MTAP: variants seen among roughly 807,000 people sequenced by gnomAD.
MTAP encodes methylthioadenosine phosphorylase.
MTAP carries 33 observed loss-of-function variants against 33.6 expected under a neutral mutation model. The observed-to-expected ratio is 0.98, with a 90% CI of 0.74 to 1.31. MTAP has a LOEUF of 1.31. Among genes scored for constraint, MTAP ranks in the 40% most tolerant of loss-of-function variants. MTAP has a pLI of 0.00. For missense variants in MTAP, 367 were observed against 360.0 expected (o/e 1.02, Z -0.16); for synonymous variants, 148 against 125.7 (o/e 1.18, Z -1.19).
At chr9:21,847,250 G>A (rs1025656262) in intron 5 of MTAP, among the ~76,000 whole-genome samples, 12 of 152,130 alleles carry the variant, frequency 7.9e-5, no homozygotes, top group African/African-American at 2.9e-4. Context: ...GTGATAATGT[G>A]AGTTAATACT....
intron 1 of MTAP, among the ~76,000 whole-genome samples, chr9:21,911,799 T>G (rs981622611): frequency 4.0e-5 from 6 of 151,624 alleles, no homozygotes; most frequent in Non-Finnish European, 5.9e-5. Context: ...CTGAAGGAGA[T>G]AGAGACACAA....
chr9:21,820,124 T>G (rs898583713), intron 4 of MTAP, among the ~76,000 whole-genome samples: 2 of 152,220 alleles, frequency 1.3e-5, no homozygotes, highest in Non-Finnish European at 2.9e-5. Flanking sequence ...TTTCTTTTGC[T>G]GTGCAGAAGC....
At position 21,921,672 on chromosome 9, in the gene MTAP, C is replaced by T. The variant is rs148804814; in HGVS notation, c.148-9336C>T. ...AGAGACTCAATAAATCAAAATATGC[C>T]TCTCTTAAAGACTTCTGGCCAGAAG... On this transcript the variant is annotated intron_variant, in intron 1 of 1. Transcript: ENST00000577563. Among the ~76,000 whole-genome samples the T allele has an allele frequency of 9.9e-3, 1,512 of 152,184 alleles. 21 individuals carry two copies. The highest frequency in any genetic ancestry group is 0.034 in the African/African-American group (1,411 of 41,504).
At chr9:21,851,265 T>C (rs1374384977) in intron 5 of MTAP, among the ~76,000 whole-genome samples, 1 of 152,224 alleles carries the variant, frequency 6.6e-6, no homozygotes. Context: ...AAGAAGGTAG[T>C]CATCGATACC....
intron 6 of MTAP, among the ~76,000 whole-genome samples, chr9:21,857,216 A>G (rs1043948580): frequency 2.0e-5 from 3 of 152,214 alleles, no homozygotes; most frequent in African/African-American, 7.2e-5. Flanking sequence ...CTATACAGAA[A>G]TAACCAGTCA....
intron 4 of MTAP, among the ~76,000 whole-genome samples, chr9:21,819,912 T>G (rs181451046): frequency 1.3e-5 from 2 of 152,376 alleles, no homozygotes; most frequent in Admixed American, 1.3e-4. Context: ...CATTTTTTCA[T>G]GTGTCTTTTG....
intron 1 of MTAP, among the ~76,000 whole-genome samples, chr9:21,811,215 T>TA (rs1422593132): frequency 6.6e-6 from 1 of 152,198 alleles, no homozygotes; most frequent in Non-Finnish European, 1.5e-5. Context: ...CTGGGTTCCT[T>TA]ACGGCAGTGT....
At chr9:21,831,092 A>G (rs1416303752) in intron 4 of MTAP, among the ~76,000 whole-genome samples, 1 of 152,066 alleles carries the variant, frequency 6.6e-6, no homozygotes, top group Admixed American at 6.6e-5. Flanking sequence ...CTTGTTAGAT[A>G]CCTTTGCACA....
At chr9:21,827,419 T>A (rs1384546476) in intron 4 of MTAP, among the ~76,000 whole-genome samples, 1 of 152,192 alleles carries the variant, frequency 6.6e-6, no homozygotes, top group African/African-American at 2.4e-5. Flanking sequence ...TTCCAGTCTA[T>A]CAGAAGCATT....
chr9:21,925,734 T>G (rs2131039753), intron 1 of MTAP, among the ~76,000 whole-genome samples: 1 of 144,502 alleles, frequency 6.9e-6, no homozygotes, highest in East Asian at 2.1e-4. Context: ...CTGATGGCCT[T>G]AAGCTGAAAA....
At chr9:21,888,884 T>C (rs1327729759) in intron 1 of MTAP, among the ~76,000 whole-genome samples, 4 of 152,152 alleles carry the variant, frequency 2.6e-5, no homozygotes, top group Non-Finnish European at 4.4e-5. Context: ...TTAAGAACTG[T>C]GAGGCAAAAG....
At chr9:21,849,195 A>G (rs1825452668) in intron 5 of MTAP, among the ~76,000 whole-genome samples, 1 of 152,192 alleles carries the variant, frequency 6.6e-6, no homozygotes, top group Admixed American at 6.5e-5. Context: ...GAAGGACCCC[A>G]CTATATTACC....
rs1371104507 is a variant in MTAP at position 21,854,529 on chromosome 9, A to G, written c.451-102A>G. 1.7e-5 allele frequency: 24 copies of G among 1,424,356 alleles called. No individual in the cohort carries two copies. In the Admixed American group the frequency reaches 5.8e-4, roughly 34 times the overall value. 88.2% of individuals were successfully genotyped at this position (1,424,356 alleles called of 1,614,324 possible). A position where few individuals can be genotyped will look rare whatever the true frequency, so the allele number is the denominator to read the frequency against. On this transcript the variant is annotated intron_variant, in intron 5 of 7. Transcript: ENST00000644715. ...ATAGTAGGCATTTATTATAGTGACA[A>G]ATCATCTTTAAGAAATCAACTTGGT...
chr9:21,899,123 T>C (rs1032797723), intron 1 of MTAP, among the ~76,000 whole-genome samples: 1 of 150,480 alleles, frequency 6.6e-6, no homozygotes, highest in Admixed American at 6.7e-5. Context: ...CTCAGCAAAC[T>C]ATCCCAAGGA....
At chr9:21,820,758 C>T (rs1056638195) in intron 4 of MTAP, among the ~76,000 whole-genome samples, 3 of 152,216 alleles carry the variant, frequency 2.0e-5, no homozygotes, top group African/African-American at 7.2e-5. Flanking sequence ...TATCCATGAG[C>T]ATGGAATGTT....
chr9:21,898,736 G>C (rs1818338573), intron 1 of MTAP, among the ~76,000 whole-genome samples: 1 of 152,142 alleles, frequency 6.6e-6, no homozygotes, highest in Non-Finnish European at 1.5e-5. Flanking sequence ...GGAAACAACA[G>C]GTGCTGGAGA....
intron 1 of MTAP, among the ~76,000 whole-genome samples, chr9:21,902,545 A>G (rs902007565): frequency 2.6e-5 from 4 of 152,256 alleles, no homozygotes; most frequent in Non-Finnish European, 4.4e-5. Context: ...CAAGTTTTCT[A>G]CATAACCAGT....
chr9:21,824,060 C>G (rs1284354758), intron 4 of MTAP, among the ~76,000 whole-genome samples: 1 of 152,182 alleles, frequency 6.6e-6, no homozygotes, highest in Non-Finnish European at 1.5e-5. Context: ...GAATTTCCTT[C>G]TTTAGCTCAG....
rs1443556495 is a variant in MTAP, at chr9:21,815,427, T to G, written c.34-6T>G. 6.3e-7 allele frequency: 1 copy of G among 1,574,906 alleles called. No individual in the cohort carries two copies. The highest frequency in any genetic ancestry group is 8.7e-7 in the Non-Finnish European group (1 of 1,154,618). Reference sequence around the variant, plus strand: ...CAATAATCTTCTCTGTCTTTTTCTCTCTTAGATTGGAATAATTGGTGGAAC... The same window carrying G: ...CAATAATCTTCTCTGTCTTTTTCTCGCTTAGATTGGAATAATTGGTGGAAC... On this transcript the variant is annotated splice_polypyrimidine_tract_variant and splice_region_variant and intron_variant, in intron 1 of 7. Transcript: ENST00000644715.
Sources: gnomAD v4.1 joint callset for allele counts (sites outside exome capture counted in the v4.1 genomes callset) on GRCh38, gnomAD v4.1.1 for gene constraint, MANE v1.5 for transcripts, NCBI Gene and HGNC (gene_info 2026-07-23, HGNC 2026-07-21) for gene names.